Variants in GMPR observed in about 807,000 individuals in gnomAD.
GMPR encodes the protein guanosine monophosphate reductase.
A neutral mutation model predicts 38.4 loss-of-function variants in GMPR; 31 were observed. The ratio of observed to expected loss-of-function variants is 0.81; its 90% CI spans 0.61 to 1.09. The LOEUF is 1.09. Among genes scored for constraint, GMPR ranks in the 50% least tolerant of loss-of-function variants. The pLI is 0.00. For synonymous variants in GMPR, 162 were observed against 173.3 expected (o/e 0.93, Z 0.51); for missense variants, 468 against 453.7 (o/e 1.03, Z -0.29).
intron 4 of GMPR, among the ~76,000 whole-genome samples, chr6:16,267,381 A>C (rs1759276017): frequency 6.6e-6 from 1 of 151,436 alleles, no homozygotes. Flanking sequence ...AAAAACAAAG[A>C]GCTGTAACAC....
At chr6:16,294,140 G>T (rs376982656) in intron 8 of GMPR, among the ~76,000 whole-genome samples, 10 of 152,246 alleles carry the variant, frequency 6.6e-5, no homozygotes, top group African/African-American at 1.9e-4. Flanking sequence ...CATGCCATAG[G>T]CCAGACTTGA....
rs972157988 is a variant in GMPR at position 16,266,998 on chromosome 6, CTG to C, written c.466-7416_466-7415del. Among the ~76,000 whole-genome samples the C allele has an allele frequency of 1.6e-4, 25 of 151,622 alleles. 1 individual carries two copies. Among genetic ancestry groups the C allele is most frequent in the Admixed American group, 5.2e-4 (8 of 15,258 alleles). ...AACCCACGAGGAGGAACGAACAACTCTGGGTGCGCCACCTTTAAGAGCTGTAA... is the reference window on the plus strand; with the variant it reads ...AACCCACGAGGAGGAACGAACAACTCGGTGCGCCACCTTTAAGAGCTGTAA... On this transcript the variant is annotated intron_variant, in intron 4 of 8. Coordinates refer to ENST00000259727, the MANE Select transcript of GMPR (RefSeq NM_006877.4).
At position 16,238,666 on chromosome 6, in the gene GMPR, C is replaced by T. The variant is rs1175604761; in HGVS notation, c.-28C>T. 1.5e-5 allele frequency: 19 copies of T among 1,226,224 alleles called. No individual in the cohort carries two copies. Among genetic ancestry groups the T allele is most frequent in the African/African-American group, 3.2e-5 (2 of 62,984 alleles). 76.0% of individuals were successfully genotyped at this position (1,226,224 alleles called of 1,614,324 possible). A position where few individuals can be genotyped will look rare whatever the true frequency, so the allele number is the denominator to read the frequency against. ...GCAGGCGCCCCCGCCCCGCCGTCGC[C>T]GCCGCCGCAGCCAGGAGCCGCTGCA... is the stretch of plus-strand genomic sequence containing the variant. On this transcript the variant is annotated 5_prime_UTR_variant, in exon 1 of 9. Coordinates refer to ENST00000259727, the MANE Select transcript of GMPR (RefSeq NM_006877.4).
At chr6:16,243,817 G>A (rs1758704804) in intron 1 of GMPR, among the ~76,000 whole-genome samples, 1 of 152,176 alleles carries the variant, frequency 6.6e-6, no homozygotes, top group Non-Finnish European at 1.5e-5. Context: ...AAGTAACTTT[G>A]AGCTGATTCT....
chr6:16,277,817 T>C (rs1581662119), intron 5 of GMPR, among the ~76,000 whole-genome samples: 1 of 151,052 alleles, frequency 6.6e-6, no homozygotes, highest in Admixed American at 6.6e-5. Context: ...CAGAGGGGAG[T>C]GTCCAAGAGA....
At chr6:16,241,660 TTC>T (rs1238601113) in intron 1 of GMPR, among the ~76,000 whole-genome samples, 1 of 152,236 alleles carries the variant, frequency 6.6e-6, no homozygotes, top group Non-Finnish European at 1.5e-5. Flanking sequence ...GGAGCCTGCA[TTC>T]TCCCTGAGTG....
chr6:16,263,084 G>A (rs1038183363), intron 4 of GMPR: 6 of 151,948 alleles, frequency 3.9e-5, no homozygotes, highest in African/African-American at 1.2e-4. Flanking sequence ...TGAGTCTGTA[G>A]AAAAGGAAGA....
chr6:16,277,373 C>T (rs958676915), intron 5 of GMPR, among the ~76,000 whole-genome samples: 2 of 152,150 alleles, frequency 1.3e-5, no homozygotes, highest in Non-Finnish European at 1.5e-5. Context: ...AAGGTGGTGC[C>T]GGCCAGGAGC....
intron 7 of GMPR, among the ~76,000 whole-genome samples, chr6:16,287,364 C>T (rs1759706223): frequency 6.6e-6 from 1 of 152,208 alleles, no homozygotes; most frequent in Admixed American, 6.5e-5. Flanking sequence ...GAGCCAAACA[C>T]ACTTTAAAGT....
rs113143442 is a variant in GMPR, at chr6:16,250,371, C to T, written c.291+4C>T. 467 of 1,545,850 alleles carry T rather than the reference C, an allele frequency of 3.0e-4. 1 individual carries two copies. Among genetic ancestry groups the T allele is most frequent in the South Asian group, 2.2e-3 (201 of 89,726 alleles). ...AAATCACCCAGAATGCCTGCAGGTA[C>T]GACTACAGCCTGGTTATCAATTACC... On this transcript the variant is annotated splice_donor_region_variant and intron_variant, in intron 3 of 8. Transcript: ENST00000259727.
Position 16,250,287 on chromosome 6 carries a change from T to A in GMPR, c.211T>A (p.Ser71Thr). 6.3e-7 allele frequency: 1 copy of A among 1,593,116 alleles called. No individual in the cohort carries two copies. The highest frequency in any genetic ancestry group is 1.1e-5 in the South Asian group (1 of 90,694). Reference sequence around the variant, plus strand: ...ATGGTGCTGTTTTGTTTTCTAGCACTCCATGTTTACAGCAATTCATAAGCA... The same window carrying A: ...ATGGTGCTGTTTTGTTTTCTAGCACACCATGTTTACAGCAATTCATAAGCA... Reference protein sequence around the residue: ...FEMAAVMSQHSMFTAIHKHYS... With the variant: ...FEMAAVMSQHTMFTAIHKHYS... Residue 71 changes from serine (S) to threonine (T), a missense_variant, in exon 3 of 9, where the codon TCC becomes ACC. Ser to Thr is a moderately conservative substitution (Grantham distance 58). Transcript: ENST00000259727.
At chr6:16,290,977 G>A (rs945513042) in intron 8 of GMPR, among the ~76,000 whole-genome samples, 1 of 152,190 alleles carries the variant, frequency 6.6e-6, no homozygotes, top group African/African-American at 2.4e-5. Flanking sequence ...TCTCTGGCTT[G>A]AGAAGAGTTC....
At chr6:16,242,709 T>G (rs1475391787) in intron 1 of GMPR, among the ~76,000 whole-genome samples, 1 of 152,036 alleles carries the variant, frequency 6.6e-6, no homozygotes, top group Non-Finnish European at 1.5e-5. Context: ...CGTGATCTTG[T>G]CTCACCGCAA....
intron 4 of GMPR, chr6:16,262,694 T>C (rs1759110127): frequency 6.6e-6 from 1 of 152,022 alleles, no homozygotes; most frequent in Non-Finnish European, 1.5e-5. Flanking sequence ...GATTGGGTAA[T>C]AAAGTGTATT....
chr6:16,253,496 C>T (rs1374713261), intron 3 of GMPR, among the ~76,000 whole-genome samples: 1 of 152,086 alleles, frequency 6.6e-6, no homozygotes, highest in Non-Finnish European at 1.5e-5. Context: ...AGGTCACACA[C>T]TTTTAATGAC....
intron 4 of GMPR, among the ~76,000 whole-genome samples, chr6:16,266,541 G>T (rs1309841060): frequency 6.6e-6 from 1 of 151,006 alleles, no homozygotes; most frequent in Non-Finnish European, 1.5e-5. Context: ...GGTGGCTCAC[G>T]CCTGTAATCC....
In GMPR at chr6:16,270,985, GA is replaced by G. The variant is rs1229475319; in HGVS notation, c.466-3429del. On this transcript the variant is annotated intron_variant, in intron 4 of 8. Transcript: ENST00000259727. ...GGGGATTACTTGAGGCCAGGAGTTA[GA>G]GACCAGCCTGGGCAACATAGCAAGG... 1.3e-3 allele frequency among the ~76,000 whole-genome samples: 198 copies of G among 152,206 alleles called. 1 individual carries two copies. The highest frequency in any genetic ancestry group is 2.3e-3 in the Non-Finnish European group (154 of 68,000).
intron 4 of GMPR, among the ~76,000 whole-genome samples, chr6:16,263,839 G>T (rs1418269898): frequency 6.6e-6 from 1 of 151,644 alleles, no homozygotes; most frequent in Non-Finnish European, 1.5e-5. Context: ...AGAGGTCGGG[G>T]CACAGAAATA....
At chr6:16,247,080 C>A in intron 2 of GMPR, 119 bp downstream of exon 2, 1 of 895,082 alleles carries the variant, frequency 1.1e-6, no homozygotes, top group Non-Finnish European at 1.7e-6. Context: ...TGCTTTGGGT[C>A]ATTCTCTGTC....
Sources: allele counts gnomAD v4.1 joint callset (sites outside exome capture counted in the v4.1 genomes callset), GRCh38; gene constraint gnomAD v4.1.1; transcripts MANE v1.5; gene names NCBI Gene and HGNC (gene_info 2026-07-23, HGNC 2026-07-21).